DNAAF9: variants seen among roughly 807,000 people sequenced by gnomAD.
The protein encoded by DNAAF9 is dynein axonemal assembly factor 9.
Under a neutral mutation model 167.0 loss-of-function variants are expected in DNAAF9, and 90 were observed. The ratio of observed to expected loss-of-function variants is 0.54; its 90% CI spans 0.45 to 0.64. DNAAF9 has a LOEUF of 0.64. Among genes scored for constraint, DNAAF9 ranks in the 30% least tolerant of loss-of-function variants. The probability of loss-of-function intolerance (pLI) is 0.00; values close to 1 mark genes in which losing one functional copy is unlikely to be tolerated. For synonymous variants in DNAAF9, 491 were observed against 508.8 expected, an observed-to-expected ratio of 0.96 and a Z score of 0.47; for missense variants, 1,315 against 1,442.2, an observed-to-expected ratio of 0.91 and a Z score of 1.43.
At chr20:3,337,230 A>G (rs1600811617) in intron 10 of DNAAF9, among the ~76,000 whole-genome samples, 1 of 142,600 alleles carries the variant, frequency 7.0e-6, no homozygotes, top group South Asian at 2.2e-4. Flanking sequence ...ACTTTCTATC[A>G]TTTACTCCAA....
At chr20:3,259,720 T>C (rs1026968861) in intron 32 of DNAAF9, among the ~76,000 whole-genome samples, 166 bp from the exon 33 acceptor site, 2 of 152,242 alleles carry the variant, frequency 1.3e-5, no homozygotes, top group African/African-American at 4.8e-5. Context: ...TCTGCCACTG[T>C]TCCCAGGGGA....
chr20:3,330,515 T>G, intron 12 of DNAAF9, 131 bp downstream of exon 12: 1 of 636,918 alleles, frequency 1.6e-6, no homozygotes, highest in Non-Finnish European at 2.8e-6. Flanking sequence ...ATGTTGGGAT[T>G]ACAGTGTGCG....
chr20:3,391,673 C>T (rs1208755797), intron 1 of DNAAF9, among the ~76,000 whole-genome samples: 6 of 151,508 alleles, frequency 4.0e-5, no homozygotes, highest in South Asian at 2.1e-4. Context: ...CTCTGCCTCC[C>T]GGGTTCAAGC....
chr20:3,349,204 CAA>C (rs56109511), intron 7 of DNAAF9, among the ~76,000 whole-genome samples: 1 of 85,544 alleles, frequency 1.2e-5, no homozygotes, highest in Non-Finnish European at 2.1e-5. Context: ...AAAAAAAAAA[CAA>C]AAAAAAAAAA....
At chr20:3,321,139 C>T (rs751790413) in intron 16 of DNAAF9, among the ~76,000 whole-genome samples, 1 of 152,206 alleles carries the variant, frequency 6.6e-6, no homozygotes, top group Non-Finnish European at 1.5e-5. Flanking sequence ...AAACGTTGCT[C>T]TGACTACTCT....
chr20:3,323,730 G>T (rs1404465480), intron 14 of DNAAF9, among the ~76,000 whole-genome samples: 1 of 152,212 alleles, frequency 6.6e-6, no homozygotes, highest in Non-Finnish European at 1.5e-5. Context: ...TTGGGACTGA[G>T]AGGGGGCCTG....
intron 26 of DNAAF9, among the ~76,000 whole-genome samples, chr20:3,288,855 A>G (rs1026940821): frequency 3.9e-5 from 6 of 152,164 alleles, no homozygotes; most frequent in African/African-American, 1.2e-4. Context: ...TGGGAGGATC[A>G]TGACATCCAC....
At chr20:3,319,082 C>CAAA (rs71195834) in intron 16 of DNAAF9, among the ~76,000 whole-genome samples, 30 of 71,116 alleles carry the variant, frequency 4.2e-4, no homozygotes, top group African/African-American at 9.3e-4. Flanking sequence ...GACTCTGTCT[C>CAAA]AAAAAAAAAA....
At chr20:3,328,181 C>CTGTTTTTTTTTTTTTTTGTT (rs2069747446) in intron 12 of DNAAF9, among the ~76,000 whole-genome samples, 3 of 102,740 alleles carry the variant, frequency 2.9e-5, no homozygotes, top group African/African-American at 1.4e-4. Flanking sequence ...CTGCATGGCT[C>CTGTTTTTTTTTTTTTTTGTT]TGTTTTTTTT....
At chr20:3,282,396 C>A (rs2068778571) in intron 27 of DNAAF9, among the ~76,000 whole-genome samples, 1 of 152,136 alleles carries the variant, frequency 6.6e-6, no homozygotes, top group African/African-American at 2.4e-5. Flanking sequence ...CTGCTTACAC[C>A]CCCAAGCTCC....
intron 1 of DNAAF9, among the ~76,000 whole-genome samples, chr20:3,398,235 A>G (rs1265255571): frequency 6.6e-6 from 1 of 152,212 alleles, no homozygotes; most frequent in African/African-American, 2.4e-5. Flanking sequence ...GGTAGTGAGA[A>G]GCAGACGAGA....
chr20:3,294,113 C>T (rs758252746), intron 25 of DNAAF9, 26 bp downstream of exon 25: 1 of 1,251,182 alleles, frequency 8.0e-7, no homozygotes, highest in East Asian at 2.3e-5. Flanking sequence ...CTGTGAATTC[C>T]CAGCATATCT....
At chr20:3,317,398 CA>C (rs1315348380) in intron 17 of DNAAF9, among the ~76,000 whole-genome samples, 3 of 136,800 alleles carry the variant, frequency 2.2e-5, no homozygotes, top group Non-Finnish European at 3.2e-5. Flanking sequence ...AACCAAGAAA[CA>C]AAACTTTTGG....
At chr20:3,288,207 T>C (rs538773394) in intron 26 of DNAAF9, among the ~76,000 whole-genome samples, 1 of 152,304 alleles carries the variant, frequency 6.6e-6, no homozygotes, top group East Asian at 1.9e-4. Flanking sequence ...CCCAGCACTT[T>C]GGGAGGCCGA....
At chr20:3,271,157 C>A (rs750395876) in intron 29 of DNAAF9, among the ~76,000 whole-genome samples, 3 of 152,088 alleles carry the variant, frequency 2.0e-5, no homozygotes, top group Non-Finnish European at 2.9e-5. Flanking sequence ...ACTTGGAATT[C>A]TTAGTCAAAG....
chr20:3,340,672 A>G (rs1329051455), intron 9 of DNAAF9, 33 bp from the exon 10 acceptor site: 1 of 1,611,746 alleles, frequency 6.2e-7, no homozygotes, highest in African/African-American at 1.3e-5. Flanking sequence ...TGTGATTAGA[A>G]AAGAGTTCCT....
Position 3,270,419 on chromosome 20 carries a change from T to C in DNAAF9, c.2786+8A>G, listed in dbSNP as rs201366968. 34 of 1,613,306 alleles carry C rather than the reference T, an allele frequency of 2.1e-5. No individual in the cohort carries two copies. Among genetic ancestry groups the C allele is most frequent in the African/African-American group, 2.0e-4 (15 of 75,036 alleles). ...CAACTGGTCTTGCAGAGTGAATCTATAGATTACCTGGTGACAATCCCATTT... is the reference window on the plus strand; with the variant it reads ...CAACTGGTCTTGCAGAGTGAATCTACAGATTACCTGGTGACAATCCCATTT... On this transcript the variant is annotated splice_region_variant and intron_variant, in intron 30 of 36. Transcript: ENST00000252032.
At chr20:3,394,937 A>ATTT (rs1568647856) in intron 1 of DNAAF9, among the ~76,000 whole-genome samples, 3 of 102,412 alleles carry the variant, frequency 2.9e-5, no homozygotes, top group Non-Finnish European at 2.1e-5. Context: ...TTTACTGAAC[A>ATTT]TTTTCTTTTT....
chr20:3,319,214 G>T (rs2123041960), intron 16 of DNAAF9, among the ~76,000 whole-genome samples: 1 of 125,276 alleles, frequency 8.0e-6, no homozygotes, highest in South Asian at 2.7e-4. Context: ...AGTGATCTAT[G>T]ATCATGCCAC....
Sources: gnomAD v4.1 joint callset for allele counts (sites outside exome capture counted in the v4.1 genomes callset) on GRCh38, gnomAD v4.1.1 for gene constraint, MANE v1.5 for transcripts, NCBI Gene and HGNC (gene_info 2026-07-23, HGNC 2026-07-21) for gene names.